UNC5D: variants seen among roughly 807,000 people sequenced by gnomAD.
The protein encoded by UNC5D is unc-5 netrin receptor D.
UNC5D carries 39 observed loss-of-function variants against 105.4 expected under a neutral mutation model. The observed-to-expected ratio is 0.37, with a 90% CI of 0.29 to 0.48. The LOEUF (loss-of-function observed/expected upper bound fraction) is 0.48, where lower values mean the gene tolerates loss of function less well. Ranked by LOEUF, UNC5D falls within the 20% of genes least tolerant of loss-of-function variation. The probability of loss-of-function intolerance (pLI) is 0.98; values close to 1 mark genes in which losing one functional copy is unlikely to be tolerated. For synonymous variants in UNC5D, 452 were observed against 450.4 expected (o/e 1.00, Z -0.04); for missense variants, 991 against 1,202.4 (o/e 0.82, Z 2.60).
chr8:35,479,985 A>G (rs1333475335), intron 1 of UNC5D, among the ~76,000 whole-genome samples: 11 of 152,204 alleles, frequency 7.2e-5, no homozygotes, highest in Admixed American at 7.2e-4. Context: ...GTTCTCTGGA[A>G]TGCACCACTA....
At chr8:35,308,276 G>A (rs2056767) in intron 1 of UNC5D, among the ~76,000 whole-genome samples, 134,352 of 151,848 alleles carry the variant, frequency 0.88, 59,553 homozygotes, top group East Asian at 1. Context: ...TTGAGTAGGT[G>A]TGACCAAATT....
chr8:35,598,919 G>T (rs1356985654), intron 4 of UNC5D, among the ~76,000 whole-genome samples: 1 of 152,094 alleles, frequency 6.6e-6, no homozygotes, highest in Non-Finnish European at 1.5e-5. Flanking sequence ...AAGGCGGGTG[G>T]ATCGCCTGAG....
At chr8:35,534,364 A>G (rs748773066) in intron 1 of UNC5D, among the ~76,000 whole-genome samples, 1 of 152,058 alleles carries the variant, frequency 6.6e-6, no homozygotes, top group Non-Finnish European at 1.5e-5. Flanking sequence ...TATTGTCTTC[A>G]TATGTGGGTA....
At chr8:35,521,930 T>C (rs537182234) in intron 1 of UNC5D, among the ~76,000 whole-genome samples, 3 of 152,294 alleles carry the variant, frequency 2.0e-5, no homozygotes, top group African/African-American at 7.2e-5. Context: ...CCAGCCTTAA[T>C]CAGAACGTTT....
intron 4 of UNC5D, among the ~76,000 whole-genome samples, chr8:35,619,014 G>A (rs576436025): frequency 1.3e-5 from 2 of 152,256 alleles, no homozygotes; most frequent in South Asian, 4.1e-4. Flanking sequence ...CAGCTTTAAT[G>A]TCTTACTACA....
intron 1 of UNC5D, among the ~76,000 whole-genome samples, chr8:35,486,033 CT>C (rs1430730695): frequency 6.6e-6 from 1 of 151,874 alleles, no homozygotes; most frequent in Non-Finnish European, 1.5e-5. Context: ...TGTCACACTG[CT>C]TTTTTTTCTA....
At chr8:35,462,866 A>G (rs778425232) in intron 1 of UNC5D, among the ~76,000 whole-genome samples, 6 of 152,172 alleles carry the variant, frequency 3.9e-5, no homozygotes, top group Non-Finnish European at 7.3e-5. Flanking sequence ...CCATCCCCCA[A>G]TTTAAGTTAA....
intron 1 of UNC5D, among the ~76,000 whole-genome samples, chr8:35,275,322 A>G (rs973347009): frequency 2.0e-5 from 3 of 151,940 alleles, no homozygotes; most frequent in South Asian, 4.1e-4. Flanking sequence ...TCAAAATTTC[A>G]TAACAGATAT....
At chr8:35,541,114 G>A (rs1363604907) in intron 1 of UNC5D, among the ~76,000 whole-genome samples, 1 of 152,182 alleles carries the variant, frequency 6.6e-6, no homozygotes. Context: ...GCAAAGAACT[G>A]TTCACGAATC....
At chr8:35,326,733 G>A (rs984537081) in intron 1 of UNC5D, among the ~76,000 whole-genome samples, 2 of 151,818 alleles carry the variant, frequency 1.3e-5, no homozygotes, top group Non-Finnish European at 2.9e-5. Flanking sequence ...TCCAACCTGG[G>A]TGACGGAGCA....
chr8:35,626,980 G>A lies in UNC5D; in HGVS notation c.570+31323G>A, dbSNP rs547985469. ...AATAGTTTCTTTAACTAGCACTTTG[G>A]TGACTTTTCAGTACTGATAACCTAG... On this transcript the variant is annotated intron_variant, in intron 4 of 16. Coordinates refer to ENST00000404895, the MANE Select transcript of UNC5D (RefSeq NM_080872.4). Among the ~76,000 whole-genome samples the A allele has an allele frequency of 2.6e-4, 39 of 152,164 alleles. No individual in the cohort carries two copies. In the South Asian group the frequency reaches 7.9e-3, roughly 31 times the overall value.
intron 1 of UNC5D, among the ~76,000 whole-genome samples, chr8:35,300,350 G>T (rs894993137): frequency 6.6e-6 from 1 of 150,862 alleles, no homozygotes; most frequent in Non-Finnish European, 1.5e-5. Flanking sequence ...TGGAGGCTGA[G>T]GTAGGAGAAT....
intron 1 of UNC5D, among the ~76,000 whole-genome samples, chr8:35,368,375 A>T (rs988268203): frequency 2.6e-5 from 4 of 152,082 alleles, no homozygotes; most frequent in Non-Finnish European, 5.9e-5. Context: ...ACACACACAG[A>T]TACTTTTAAA....
intron 1 of UNC5D, among the ~76,000 whole-genome samples, chr8:35,448,983 G>A (rs1585867207): frequency 1.3e-5 from 2 of 152,020 alleles, no homozygotes; most frequent in Non-Finnish European, 2.9e-5. Flanking sequence ...TGGTGTGTGA[G>A]GGCAAGAACC....
At chr8:35,596,612 A>G (rs1445424316) in intron 4 of UNC5D, among the ~76,000 whole-genome samples, 2 of 152,042 alleles carry the variant, frequency 1.3e-5, no homozygotes, top group Non-Finnish European at 2.9e-5. Context: ...TTTTAGGGAG[A>G]CATGAGACAT....
chr8:35,272,164 A>G (rs1322582596), intron 1 of UNC5D, among the ~76,000 whole-genome samples: 1 of 152,182 alleles, frequency 6.6e-6, no homozygotes. Flanking sequence ...TGAATTGCTG[A>G]GTGTTTATGG....
chr8:35,758,154 G>A (rs1026949784), intron 13 of UNC5D, among the ~76,000 whole-genome samples: 5 of 152,192 alleles, frequency 3.3e-5, no homozygotes, highest in African/African-American at 9.7e-5. Context: ...CCTGGAAAAA[G>A]ATACTAGCAA....
chr8:35,584,485 G>A (rs1818657913), intron 3 of UNC5D, among the ~76,000 whole-genome samples: 1 of 152,026 alleles, frequency 6.6e-6, no homozygotes, highest in South Asian at 2.1e-4. Flanking sequence ...CATGATTATA[G>A]CTCACTGTGG....
At chr8:35,327,485 T>C (rs1810256903) in intron 1 of UNC5D, among the ~76,000 whole-genome samples, 1 of 152,204 alleles carries the variant, frequency 6.6e-6, no homozygotes, top group Non-Finnish European at 1.5e-5. Context: ...TAGTCCATAT[T>C]TGGCAGGAAG....
Sources: allele counts gnomAD v4.1 joint callset (sites outside exome capture counted in the v4.1 genomes callset), GRCh38; gene constraint gnomAD v4.1.1; transcripts MANE v1.5; gene names NCBI Gene and HGNC (gene_info 2026-07-23, HGNC 2026-07-21).